TUT4: variants seen among roughly 807,000 people sequenced by gnomAD.
TUT4 encodes the protein terminal uridylyl transferase 4.
In TUT4, 36 loss-of-function variants were observed where a neutral mutation model predicts 192.2. That is an observed-to-expected ratio of 0.19 (90% CI 0.14 to 0.25). The LOEUF (loss-of-function observed/expected upper bound fraction) is 0.25, where lower values mean the gene tolerates loss of function less well. Ranked by LOEUF, TUT4 falls within the 10% of genes least tolerant of loss-of-function variation. The pLI, the probability that TUT4 is intolerant of heterozygous loss-of-function variation, is 1.00. For synonymous variants in TUT4, 618 were observed against 666.0 expected, an observed-to-expected ratio of 0.93 and a Z score of 1.11; for missense variants, 1,493 against 1,957.2, an observed-to-expected ratio of 0.76 and a Z score of 4.47.
chr1:52,477,915 T>A (rs1051677497), intron 11 of TUT4, 33 bp from the exon 12 acceptor site: 1 of 1,528,098 alleles, frequency 6.5e-7, no homozygotes, highest in African/African-American at 1.4e-5. Flanking sequence ...CATTTAAGCT[T>A]AACAAAACCA....
intron 20 of TUT4, among the ~76,000 whole-genome samples, chr1:52,457,074 A>G (rs1257584211): frequency 6.6e-6 from 1 of 152,196 alleles, no homozygotes; most frequent in Non-Finnish European, 1.5e-5. Flanking sequence ...ACACAGATTC[A>G]GCAACTTAAA....
chr1:52,488,803 G>T, intron 9 of TUT4, 106 bp downstream of exon 9: 2 of 1,204,518 alleles, frequency 1.7e-6, no homozygotes. Context: ...TCTCCCACAT[G>T]TTATGATTGA....
At position 52,525,950 on chromosome 1, in the gene TUT4, C is replaced by G. The variant is rs1418107414; in HGVS notation, c.331G>C (p.Ala111Pro). The G allele has an allele frequency of 6.2e-7, 1 of 1,614,076 alleles. No individual in the cohort carries two copies. Among genetic ancestry groups the G allele is most frequent in the African/African-American group, 1.3e-5 (1 of 75,020 alleles). ...TCTGATTTTGCCTGTGAAATGGTTGCCTTTTCGGCTTTCACCGGTGAATTA... is the reference window on the plus strand; with the variant it reads ...TCTGATTTTGCCTGTGAAATGGTTGGCTTTTCGGCTTTCACCGGTGAATTA... ...FPNSPVKAEK[A>P]TISQAKSEKA... Residue 111 changes from alanine (A) to proline (P), a missense_variant, in exon 2 of 30, where the codon GCA becomes CCA. This residue lies in a region of TUT4 where 260 missense variants were observed against 247.8 expected (regional missense o/e 1.05). Coordinates refer to ENST00000257177, the MANE Select transcript of TUT4 (RefSeq NM_001009881.3).
chr1:52,442,167 CAAA>C (rs58552556), intron 24 of TUT4, among the ~76,000 whole-genome samples: 2 of 76,360 alleles, frequency 2.6e-5, no homozygotes, highest in Non-Finnish European at 2.6e-5. Flanking sequence ...GACTCCACCT[CAAA>C]AAAAAAAAAA....
In TUT4 at chr1:52,477,861, G is replaced by A. The variant is rs747945679; in HGVS notation, c.1870C>T (p.Pro624Ser). The A allele has an allele frequency of 5.0e-6, 8 of 1,609,360 alleles. No individual in the cohort carries two copies. The East Asian group carries it at 1.8e-4, about 36-fold the overall frequency. The change falls in exon 12 of 30, where the codon CCA (proline) becomes TCA (serine). Residue 624 changes from proline to serine, a missense_variant. By Grantham distance (74) the Pro-to-Ser change is moderately conservative. Coordinates refer to ENST00000257177, the MANE Select transcript of TUT4 (RefSeq NM_001009881.3). ...AACTGTCCCAAGGATACCCGATTTG[G>A]TGTTTCCAATGCTAAAGGAGACTGG... Reference protein sequence around the residue: ...HGKSPLALETPNRVSLGQLWL... With the variant: ...HGKSPLALETSNRVSLGQLWL...
At chr1:52,429,048 G>A (rs1037722930) in intron 28 of TUT4, among the ~76,000 whole-genome samples, 1 of 148,562 alleles carries the variant, frequency 6.7e-6, no homozygotes, top group African/African-American at 2.5e-5. Flanking sequence ...ATACTTTACT[G>A]TCTTTTGTGT....
intron 20 of TUT4, among the ~76,000 whole-genome samples, chr1:52,447,342 G>A (rs1657813644): frequency 1.3e-5 from 2 of 151,714 alleles, no homozygotes; most frequent in Admixed American, 6.6e-5. Context: ...CCATCTACTC[G>A]GGAGGCTGAG....
chr1:52,523,668 C>T (rs1002057661), intron 2 of TUT4, among the ~76,000 whole-genome samples: 3 of 151,890 alleles, frequency 2.0e-5, no homozygotes, highest in African/African-American at 4.8e-5. Flanking sequence ...ATGATGTTTA[C>T]ATTTTTCCCA....
intron 1 of TUT4, among the ~76,000 whole-genome samples, chr1:52,535,727 C>A (rs760180593): frequency 1.3e-5 from 2 of 152,164 alleles, no homozygotes; most frequent in Admixed American, 6.6e-5. Context: ...GAAATCCACA[C>A]TGAGACAGAG....
chr1:52,465,736 C>T (rs1663931307), intron 15 of TUT4, among the ~76,000 whole-genome samples: 1 of 152,180 alleles, frequency 6.6e-6, no homozygotes, highest in African/African-American at 2.4e-5. Context: ...GTATACGATG[C>T]TCTTCCAAAA....
chr1:52,498,943 T>C (rs977881533), intron 4 of TUT4, among the ~76,000 whole-genome samples: 3 of 76,056 alleles, frequency 3.9e-5, no homozygotes, highest in Non-Finnish European at 8.3e-5. Context: ...TATATATATA[T>C]ATATATATAT....
At chr1:52,529,612 AAAC>A (rs751728027) in intron 1 of TUT4, among the ~76,000 whole-genome samples, 40 of 152,222 alleles carry the variant, frequency 2.6e-4, no homozygotes, top group Non-Finnish European at 4.9e-4. Flanking sequence ...AAAAGCCATA[AAAC>A]AACAAAGATT....
intron 1 of TUT4, among the ~76,000 whole-genome samples, chr1:52,545,663 T>C (rs1687875786): frequency 2.0e-5 from 3 of 152,064 alleles, no homozygotes; most frequent in Admixed American, 1.3e-4. Flanking sequence ...ACAGGACTAC[T>C]ATTAAATAAA....
chr1:52,463,040 A>G (rs1163124589), intron 16 of TUT4: 6 of 984,364 alleles, frequency 6.1e-6, no homozygotes, highest in East Asian at 1.1e-4. Context: ...CAAAGGAGGT[A>G]ATTTTTCTCT....
At chr1:52,484,315 T>C (rs1438617781) in intron 9 of TUT4, among the ~76,000 whole-genome samples, 2 of 152,254 alleles carry the variant, frequency 1.3e-5, no homozygotes, top group Non-Finnish European at 2.9e-5. Flanking sequence ...GCATTTATAC[T>C]GTATTAGATG....
Position 52,431,168 on chromosome 1 carries a change from C to T in TUT4, c.4556G>A (p.Ser1519Asn). 1 of 1,614,206 alleles carries T rather than the reference C, an allele frequency of 6.2e-7. No homozygotes were observed. Among genetic ancestry groups the T allele is most frequent in the East Asian group, 2.2e-5 (1 of 44,880 alleles). The stretch of plus-strand genomic sequence containing the variant: ...ATTTAGGCCAATATTGCTGGGGGCA[C>T]TGCCTGGTGCAGAGTGGATCACTGG... The part of the protein sequence containing the change: ...HGPVIHSAPG[S>N]APSNIGLNDP... The change falls in exon 28 of 30, where the codon AGT (serine) becomes AAT (asparagine). Residue 1519 changes from serine to asparagine, a missense_variant. This residue lies in a region of TUT4 where 351 missense variants were observed against 397.8 expected (regional missense o/e 0.88). Coordinates refer to ENST00000257177, the MANE Select transcript of TUT4 (RefSeq NM_001009881.3).
chr1:52,539,732 C>T (rs1432977352), intron 1 of TUT4, among the ~76,000 whole-genome samples: 4 of 151,350 alleles, frequency 2.6e-5, no homozygotes, highest in Admixed American at 2.6e-4. Context: ...CATGGTGAAA[C>T]CCTGTCTCTA....
intron 16 of TUT4, chr1:52,463,276 A>G (rs1663128367): frequency 1.0e-6 from 1 of 989,260 alleles, no homozygotes; most frequent in Non-Finnish European, 1.2e-6. Flanking sequence ...TATTCCCTCA[A>G]TTCTTACTCT....
intron 7 of TUT4, among the ~76,000 whole-genome samples, chr1:52,491,224 A>C (rs978942726): frequency 2.6e-5 from 4 of 152,174 alleles, no homozygotes; most frequent in African/African-American, 4.8e-5. Context: ...TTAAATTACC[A>C]ATGTAATTAC....
Sources: gnomAD v4.1 joint callset for allele counts (sites outside exome capture counted in the v4.1 genomes callset) on GRCh38, gnomAD v4.1.1 for gene constraint, gnomAD v4.1.1 regional missense constraint, MANE v1.5 for transcripts, NCBI Gene and HGNC (gene_info 2026-07-23, HGNC 2026-07-21) for gene names.